The following SIPA1L1 variants were observed in gnomAD, a reference collection of about 807,000 sequenced individuals.
The protein encoded by SIPA1L1 is signal induced proliferation associated 1 like 1.
In SIPA1L1, 26 loss-of-function variants were observed where a neutral mutation model predicts 162.7. The ratio of observed to expected loss-of-function variants is 0.16; its 90% confidence interval spans 0.12 to 0.22. The LOEUF (loss-of-function observed/expected upper bound fraction) is 0.22, where lower values mean the gene tolerates loss of function less well. Ranked by LOEUF, SIPA1L1 falls within the 10% of genes least tolerant of loss-of-function variation. The probability of loss-of-function intolerance (pLI) is 1.00; values close to 1 mark genes in which losing one functional copy is unlikely to be tolerated. For synonymous variants in SIPA1L1, 829 were observed against 837.4 expected (o/e 0.99, Z 0.17); for missense variants, 1,874 against 2,241.0 (o/e 0.84, Z 3.31).
intron 7 of SIPA1L1, among the ~76,000 whole-genome samples, chr14:71,625,600 T>C (rs2039897171): frequency 6.6e-6 from 1 of 152,260 alleles, no homozygotes; most frequent in Non-Finnish European, 1.5e-5. Flanking sequence ...TGTTGCCCTT[T>C]GAATTCTTCA....
chr14:71,373,054 G>A (rs375242315), intron 2 of SIPA1L1, among the ~76,000 whole-genome samples: 1 of 152,212 alleles, frequency 6.6e-6, no homozygotes, highest in South Asian at 2.1e-4. Context: ...GCTTATGCCT[G>A]TAATCCCAGC....
At chr14:71,711,365 C>CA (rs1436269467) in intron 17 of SIPA1L1, among the ~76,000 whole-genome samples, 3 of 152,234 alleles carry the variant, frequency 2.0e-5, no homozygotes, top group Non-Finnish European at 4.4e-5. Context: ...GGCACATCCC[C>CA]ATCTCAGTAG....
chr14:71,705,692 C>A (rs983611955), intron 16 of SIPA1L1, among the ~76,000 whole-genome samples: 1 of 151,770 alleles, frequency 6.6e-6, no homozygotes, highest in Non-Finnish European at 1.5e-5. Context: ...CTGCTCCAGC[C>A]ATGAGAGGGC....
intron 7 of SIPA1L1, among the ~76,000 whole-genome samples, chr14:71,634,699 G>A (rs908274328): frequency 2.0e-5 from 3 of 152,078 alleles, no homozygotes; most frequent in Non-Finnish European, 4.4e-5. Context: ...CACTTTGGGA[G>A]GCTTAGGAGG....
intron 4 of SIPA1L1, among the ~76,000 whole-genome samples, chr14:71,530,078 C>T (rs1265287850): frequency 6.6e-6 from 1 of 152,168 alleles, no homozygotes; most frequent in African/African-American, 2.4e-5. Flanking sequence ...AATACATTTC[C>T]TTTTTATTTA....
chr14:71,491,771 CA>C (rs2049285156), intron 2 of SIPA1L1, among the ~76,000 whole-genome samples: 3 of 143,720 alleles, frequency 2.1e-5, no homozygotes, highest in Non-Finnish European at 4.5e-5. Context: ...AACACACACA[CA>C]CACACACACA....
At chr14:71,409,925 C>G (rs2042289938) in intron 2 of SIPA1L1, among the ~76,000 whole-genome samples, 1 of 152,146 alleles carries the variant, frequency 6.6e-6, no homozygotes, top group Non-Finnish European at 1.5e-5. Flanking sequence ...ACGGGGCTTG[C>G]TTTTTGGGCT....
At position 71,724,826 on chromosome 14, in the gene SIPA1L1, G is replaced by A; in HGVS notation, c.4605G>A (p.Lys1535=). 1.2e-6 allele frequency: 2 copies of A among 1,614,076 alleles called. No individual in the cohort carries two copies. Among genetic ancestry groups the A allele is most frequent in the Non-Finnish European group, 1.7e-6 (2 of 1,179,962 alleles). Residue 1535 remains lysine (K), a synonymous_variant, in exon 19 of 24, where the codon AAG becomes AAA. Coordinates refer to ENST00000381232, the MANE Select transcript of SIPA1L1 (RefSeq NM_001386936.1). ...AAAGCCCAACTCCTGAATCACAGAA[G>A]AGTTTTAAGGTACAAGACAGAGCTC... ...DLESPTPESQ[K]SFKFHALSSP...
intron 2 of SIPA1L1, chr14:71,330,868 G>A: frequency 1.8e-6 from 1 of 567,694 alleles, no homozygotes; most frequent in Non-Finnish European, 3.2e-6. Context: ...TCCACTCCAG[G>A]TTGCTTTTTT....
At chr14:71,376,071 C>T (rs2141093698) in intron 2 of SIPA1L1, among the ~76,000 whole-genome samples, 2 of 152,038 alleles carry the variant, frequency 1.3e-5, no homozygotes, top group Middle Eastern at 6.8e-3. Flanking sequence ...GGGCTTTGAT[C>T]CCTTTTCTGT....
At chr14:71,404,131 A>G (rs1030636920) in intron 2 of SIPA1L1, among the ~76,000 whole-genome samples, 1 of 152,174 alleles carries the variant, frequency 6.6e-6, no homozygotes, top group African/African-American at 2.4e-5. Flanking sequence ...GGGTGTAACT[A>G]TAGTCAACTT....
intron 4 of SIPA1L1, among the ~76,000 whole-genome samples, chr14:71,539,635 C>T (rs549473801): frequency 1.2e-4 from 18 of 152,320 alleles, no homozygotes; most frequent in African/African-American, 4.3e-4. Context: ...GACTGTTTCT[C>T]TGACAGATGG....
intron 5 of SIPA1L1, among the ~76,000 whole-genome samples, chr14:71,604,716 A>T (rs1204328843): frequency 4.6e-5 from 7 of 151,762 alleles, no homozygotes; most frequent in Non-Finnish European, 1.0e-4. Context: ...CTTCTAATAT[A>T]TCTTCCCATT....
At chr14:71,355,005 A>G (rs1197232509) in intron 2 of SIPA1L1, among the ~76,000 whole-genome samples, 1 of 152,166 alleles carries the variant, frequency 6.6e-6, no homozygotes, top group Non-Finnish European at 1.5e-5. Flanking sequence ...TGCCGAGACA[A>G]TGCATACTTG....
chr14:71,706,254 C>T (rs2149921985), intron 16 of SIPA1L1, among the ~76,000 whole-genome samples: 1 of 152,206 alleles, frequency 6.6e-6, no homozygotes, highest in East Asian at 1.9e-4. Flanking sequence ...CAAGTTGTGA[C>T]AATGTGATAT....
chr14:71,670,832 T>G (rs1328712477), intron 10 of SIPA1L1, among the ~76,000 whole-genome samples: 1 of 151,900 alleles, frequency 6.6e-6, no homozygotes, highest in Non-Finnish European at 1.5e-5. Flanking sequence ...TTTCATGGAG[T>G]TTTGGTCAGT....
At chr14:71,499,656 GA>G (rs199589553) in intron 2 of SIPA1L1, among the ~76,000 whole-genome samples, 2 of 151,608 alleles carry the variant, frequency 1.3e-5, no homozygotes, top group African/African-American at 4.8e-5. Flanking sequence ...TTAGCAAAAG[GA>G]AAAAAAAGGT....
chr14:71,409,372 G>A (rs552201809), intron 2 of SIPA1L1, among the ~76,000 whole-genome samples: 1 of 152,242 alleles, frequency 6.6e-6, no homozygotes, highest in African/African-American at 2.4e-5. Context: ...CCCCTTATGG[G>A]TCCTTTGGTT....
intron 7 of SIPA1L1, among the ~76,000 whole-genome samples, chr14:71,630,443 G>C (rs1340560657): frequency 6.6e-6 from 1 of 152,186 alleles, no homozygotes; most frequent in East Asian, 1.9e-4. Flanking sequence ...GGCTGTGGTA[G>C]GACTGCAGTT....
Sources: gnomAD v4.1 joint callset for allele counts (sites outside exome capture counted in the v4.1 genomes callset) on GRCh38, gnomAD v4.1.1 for gene constraint, MANE v1.5 for transcripts, NCBI Gene and HGNC (gene_info 2026-07-23, HGNC 2026-07-21) for gene names.